NODAL: variants seen among roughly 807,000 people sequenced by gnomAD.
NODAL encodes nodal homolog.
Under a neutral mutation model 34.0 loss-of-function variants are expected in NODAL, and 12 were observed. That is an observed-to-expected ratio of 0.35 (90% confidence interval 0.23 to 0.57). The LOEUF (loss-of-function observed/expected upper bound fraction) is 0.57, where lower values mean the gene tolerates loss of function less well. Ranked by LOEUF, NODAL falls within the 20% of genes least tolerant of loss-of-function variation. The pLI is 0.83. For synonymous variants in NODAL, 162 were observed against 186.4 expected, an observed-to-expected ratio of 0.87 and a Z score of 1.07; for missense variants, 390 against 444.2, an observed-to-expected ratio of 0.88 and a Z score of 1.10.
At chr10:70,444,439 C>T (rs1589155404), upstream of NODAL, among the ~76,000 whole-genome samples, 1 of 151,942 alleles carries the variant, frequency 6.6e-6, no homozygotes, top group Non-Finnish European at 1.5e-5. Context: ...AAGTGATTCT[C>T]CTGCCTCAGT....
rs776830054 is a variant in NODAL, at chr10:70,435,764, G to C, written c.413C>G (p.Thr138Ser). ...CLERFQMDLF[T>S]VTLSQVTFSL... is the part of the protein sequence containing the mutation. ...AAAGGTGACCTGGGACAAAGTGACA[G>C]TGAATAGGTCCATCTGAAACCGCTC... Residue 138 changes from threonine to serine, a missense_variant, in exon 2 of 3, where the codon ACT (threonine) becomes AGT (serine). Transcript: ENST00000287139. 6.2e-7 allele frequency: 1 copy of C among 1,614,196 alleles called. No individual in the cohort carries two copies. The highest frequency in any genetic ancestry group is 8.5e-7 in the Non-Finnish European group (1 of 1,180,044).
At chr10:70,445,344 G>A (rs1277953865), upstream of NODAL, among the ~76,000 whole-genome samples, 1 of 152,082 alleles carries the variant, frequency 6.6e-6, no homozygotes, top group Admixed American at 6.6e-5. Flanking sequence ...TGCAAACTCC[G>A]CCTCCTGGGT....
At chr10:70,445,327 G>C (rs574109589), upstream of NODAL, among the ~76,000 whole-genome samples, 1 of 152,070 alleles carries the variant, frequency 6.6e-6, no homozygotes, top group Admixed American at 6.5e-5. Flanking sequence ...GTGCCATCTC[G>C]GCTCACTGCA....
chr10:70,446,121 T>G (rs973699135), upstream of NODAL, among the ~76,000 whole-genome samples: 2 of 152,296 alleles, frequency 1.3e-5, no homozygotes, highest in Admixed American at 1.3e-4. Context: ...AGACCAGAAG[T>G]GCCCTTTTTC....
chr10:70,439,130 G>A (rs565649303), intron 1 of NODAL, among the ~76,000 whole-genome samples: 3 of 152,098 alleles, frequency 2.0e-5, no homozygotes, highest in Non-Finnish European at 2.9e-5. Context: ...TCACCCTCCC[G>A]AGTAGCTGGG....
At chr10:70,442,438 G>A (rs573199822), upstream of NODAL, among the ~76,000 whole-genome samples, 3 of 152,338 alleles carry the variant, frequency 2.0e-5, no homozygotes, top group South Asian at 4.1e-4. Flanking sequence ...GGTGTGGCAG[G>A]GCCACAGAAG....
At chr10:70,438,089 A>G (rs1845379592) in intron 1 of NODAL, among the ~76,000 whole-genome samples, 1 of 152,118 alleles carries the variant, frequency 6.6e-6, no homozygotes, top group African/African-American at 2.4e-5. Context: ...CAGAAGTTCG[A>G]GACCAGCCTG....
chr10:70,437,764 C>T (rs779004013), intron 1 of NODAL, among the ~76,000 whole-genome samples: 8 of 152,108 alleles, frequency 5.3e-5, no homozygotes, highest in Non-Finnish European at 8.8e-5. Flanking sequence ...GGAAATCCAG[C>T]TTGTATTGTA....
At chr10:70,436,128 G>C (rs1355818658) in intron 1 of NODAL, 145 bp from the exon 2 acceptor site, 1 of 740,236 alleles carries the variant, frequency 1.4e-6, no homozygotes, top group Non-Finnish European at 2.4e-6. Context: ...CTATGAGTTG[G>C]TAAGATTTTC....
At chr10:70,440,644 A>G (rs1273842335) in intron 1 of NODAL, among the ~76,000 whole-genome samples, 1 of 152,102 alleles carries the variant, frequency 6.6e-6, no homozygotes, top group African/African-American at 2.4e-5. Flanking sequence ...CGCAGCACCC[A>G]CCTGCTCGCC....
intron 1 of NODAL, among the ~76,000 whole-genome samples, chr10:70,441,260 C>A (rs1023694517): frequency 6.6e-6 from 1 of 152,272 alleles, no homozygotes; most frequent in Non-Finnish European, 1.5e-5. Context: ...CCCGACTCGG[C>A]CGTGGATACG....
intron 1 of NODAL, 31 bp downstream of exon 1, chr10:70,441,444 C>G: frequency 1.9e-6 from 3 of 1,552,318 alleles, no homozygotes; most frequent in Non-Finnish European, 2.6e-6. Context: ...CCGGGGGTGC[C>G]CAGCAGGGCG....
intron 1 of NODAL, among the ~76,000 whole-genome samples, chr10:70,447,075 C>CTT (rs752664373): frequency 0.013 from 1,767 of 134,714 alleles, 48 homozygotes; most frequent in African/African-American, 0.043. Context: ...TCTTCTTCTT[C>CTT]TTTTTTTTTT....
At position 70,435,567 on chromosome 10, in the gene NODAL, G is replaced by A; in HGVS notation, c.610C>T (p.Gln204Ter). Residue 204 changes from glutamine to a stop codon, truncating the protein, a stop_gained, in exon 2 of 3, where the codon CAG becomes TAG. Transcript: ENST00000287139. LOFTEE classifies it high-confidence loss of function. Reference sequence around the variant, plus strand: ...AAGGTGGACCCACCCAGCTGCCTCTGCTCCTGCGAGAGGTTGGAGTAGAGC... The same window carrying A: ...AAGGTGGACCCACCCAGCTGCCTCTACTCCTGCGAGAGGTTGGAGTAGAGC... Reference protein sequence around the residue: ...LMLYSNLSQEQRQLGGSTLLW... With the variant: ...LMLYSNLSQE The A allele has an allele frequency of 6.2e-7, 1 of 1,614,094 alleles. No homozygotes were observed. The highest frequency in any genetic ancestry group is 8.5e-7 in the Non-Finnish European group (1 of 1,180,022).
rs1287008085 is a variant in NODAL at position 70,435,305 on chromosome 10, G to C, written c.872C>G (p.Thr291Ser). 2 of 1,611,788 alleles carry C rather than the reference G, an allele frequency of 1.2e-6. No homozygotes were observed. Among genetic ancestry groups the C allele is most frequent in the East Asian group, 4.5e-5 (2 of 44,822 alleles). ...PNPVGEEFHP[T>S]NHAYIQSLLK... is the part of the protein sequence containing the mutation. The stretch of plus-strand genomic sequence containing the variant: ...TCCCACCTGGATGTATGCATGGTTG[G>C]TCGGATGAAACTCCTCCCCAACAGG... Residue 291 changes from threonine to serine, a missense_variant, in exon 2 of 3, where the codon ACC becomes AGC. Transcript: ENST00000287139.
intron 1 of NODAL, among the ~76,000 whole-genome samples, chr10:70,439,467 TC>T (rs926371396): frequency 6.6e-6 from 1 of 152,220 alleles, no homozygotes; most frequent in Non-Finnish European, 1.5e-5. Context: ...ATCAGTGGCT[TC>T]CCGTGTGCCA....
At chr10:70,440,587 G>A (rs1291508434) in intron 1 of NODAL, among the ~76,000 whole-genome samples, 2 of 152,174 alleles carry the variant, frequency 1.3e-5, no homozygotes, top group African/African-American at 4.8e-5. Flanking sequence ...GGCCGCGGCT[G>A]CCCAGGCGGC....
Position 70,432,749 on chromosome 10 carries a change from T to A in NODAL, c.*187A>T. The A allele has an allele frequency of 1.5e-6, 1 of 664,934 alleles. No individual in the cohort carries two copies. 41.2% of individuals were successfully genotyped at this position (664,934 alleles called of 1,614,324 possible). On this transcript the variant is annotated 3_prime_UTR_variant, in exon 3 of 3. Transcript: ENST00000287139. ...CCTCCCTCTTCCTGACAGCAGCCTC[T>A]GTGCTTGGCCAGACTCCACTGAGCC...
upstream of NODAL, among the ~76,000 whole-genome samples, chr10:70,443,137 C>T (rs922942735): frequency 9.9e-5 from 15 of 152,082 alleles, no homozygotes; most frequent in Non-Finnish European, 2.1e-4. Context: ...CCATAGGCTG[C>T]GACCTGAGCA....
Sources: allele counts gnomAD v4.1 joint callset (sites outside exome capture counted in the v4.1 genomes callset), GRCh38; gene constraint gnomAD v4.1.1; transcripts MANE v1.5; gene names NCBI Gene and HGNC (gene_info 2026-07-23, HGNC 2026-07-21).